PTPRN2: variants seen among roughly 807,000 people sequenced by gnomAD.
The protein encoded by PTPRN2 is protein tyrosine phosphatase receptor type N2, also known as receptor-type tyrosine-protein phosphatase N2.
PTPRN2 carries 74 observed loss-of-function variants against 118.8 expected under a neutral mutation model. The observed-to-expected ratio is 0.62, with a 90% CI of 0.52 to 0.76. The LOEUF is 0.76. Ranked by LOEUF, PTPRN2 falls within the 30% of genes least tolerant of loss-of-function variation. PTPRN2 has a pLI of 0.00. For missense variants in PTPRN2, 1,481 were observed against 1,394.4 expected, an observed-to-expected ratio of 1.06 and a Z score of -0.99; for synonymous variants, 641 against 608.0, an observed-to-expected ratio of 1.05 and a Z score of -0.80.
chr7:158,475,176 C>A (rs982506020), intron 2 of PTPRN2, among the ~76,000 whole-genome samples: 3 of 131,384 alleles, frequency 2.3e-5, no homozygotes, highest in Non-Finnish European at 5.0e-5. Flanking sequence ...CGAAAAGCAA[C>A]AAGCTCCCAG....
chr7:158,151,010 A>G (rs747798483), intron 6 of PTPRN2, among the ~76,000 whole-genome samples: 2 of 147,624 alleles, frequency 1.4e-5, no homozygotes, highest in East Asian at 2.0e-4. Context: ...GCTGCCTCCT[A>G]TGCGGGAAGC....
intron 1 of PTPRN2, among the ~76,000 whole-genome samples, chr7:158,577,789 G>A (rs1173539033): frequency 6.6e-6 from 1 of 152,240 alleles, no homozygotes. Flanking sequence ...CCCATCCAGG[G>A]CCCACAGGTC....
At chr7:158,026,247 T>C (rs975797221) in intron 11 of PTPRN2, among the ~76,000 whole-genome samples, 4 of 152,232 alleles carry the variant, frequency 2.6e-5, no homozygotes, top group African/African-American at 9.6e-5. Context: ...ACTGATATAT[T>C]TTCCCTAACA....
chr7:157,649,102 G>A (rs376590447), intron 14 of PTPRN2, among the ~76,000 whole-genome samples: 2,066 of 128,070 alleles, frequency 0.016, 54 homozygotes, highest in African/African-American at 0.057. Flanking sequence ...CACTGAACTC[G>A]GTGGGTCGGA....
At chr7:157,971,565 T>C (rs944571800) in intron 11 of PTPRN2, among the ~76,000 whole-genome samples, 3 of 152,184 alleles carry the variant, frequency 2.0e-5, no homozygotes, top group African/African-American at 7.2e-5. Context: ...CCTGGAACGT[T>C]CCCCAGCAAT....
chr7:157,568,777 C>T lies in PTPRN2; in HGVS notation c.2902+125G>A. ...CTTGCTGCAAACCACCTTCCTACGG[C>T]CCAGCAGAGGCACAACAAGCAGCGA... On this transcript the variant is annotated intron_variant, in intron 21 of 22. Transcript: ENST00000389418. 3.2e-6 allele frequency: 3 copies of T among 938,510 alleles called. No individual in the cohort carries two copies. In the South Asian group the frequency reaches 4.2e-5, roughly 13 times the overall value. 58.1% of individuals were successfully genotyped at this position (938,510 alleles called of 1,614,324 possible). A position where few individuals can be genotyped will look rare whatever the true frequency, so the allele number is the denominator to read the frequency against.
Position 157,986,261 on chromosome 7 carries a change from G to T in PTPRN2, c.1724-87524C>A, listed in dbSNP as rs1485652046. ...GAGTCACTGTTGGATGTGAGGCAACGTGAAGGCTCCACCACTAGGACCCAG... is the reference window on the plus strand; with the variant it reads ...GAGTCACTGTTGGATGTGAGGCAACTTGAAGGCTCCACCACTAGGACCCAG... On this transcript the variant is annotated intron_variant, in intron 11 of 22. Transcript: ENST00000389418. The surrounding 1 kb of genome is among the most constrained non-coding windows in gnomAD (Gnocchi z 4.5). 6.6e-6 allele frequency among the ~76,000 whole-genome samples: 1 copy of T among 152,212 alleles called. No homozygotes were observed. The highest frequency in any genetic ancestry group is 2.4e-5 in the African/African-American group (1 of 41,466).
chr7:157,561,729 G>A (rs1799201218), intron 21 of PTPRN2, among the ~76,000 whole-genome samples: 1 of 152,246 alleles, frequency 6.6e-6, no homozygotes, highest in Admixed American at 6.5e-5. Flanking sequence ...GCCCGTGAGT[G>A]AAGCTGCCAT....
In PTPRN2 at chr7:157,573,490, G is replaced by T. The variant is rs115990883; in HGVS notation, c.2784-1997C>A. On this transcript the variant is annotated intron_variant, in intron 19 of 22. Coordinates refer to ENST00000389418, the MANE Select transcript of PTPRN2 (RefSeq NM_002847.5). ...GGTCCACACCCACCAGTCACCAGGG[G>T]TTGCTCATTTTTTCCTCATGAGACC... Among the ~76,000 whole-genome samples, 427 of 152,334 alleles carry T rather than the reference G, an allele frequency of 2.8e-3. 3 individuals carry two copies. The highest frequency in any genetic ancestry group is 9.8e-3 in the African/African-American group (409 of 41,562).
rs1202114783 is a variant in PTPRN2 at position 157,595,529 on chromosome 7, A to T, written c.2419-214T>A. On this transcript the variant is annotated intron_variant, in intron 16 of 22. Transcript: ENST00000389418. ...GAAGCCCGGAGGTTAGGAAGCCAGA[A>T]GGTTAGGAAGCCAGGAGGTTAGGAA... Among the ~76,000 whole-genome samples, 109 of 113,048 alleles carry T rather than the reference A, an allele frequency of 9.6e-4. 1 individual carries two copies. Among genetic ancestry groups the T allele is most frequent in the African/African-American group, 4.4e-3 (104 of 23,608 alleles). 74.2% of individuals were successfully genotyped at this position (113,048 alleles called of 152,430 possible). A position where few individuals can be genotyped will look rare whatever the true frequency, so the allele number is the denominator to read the frequency against.
At position 158,197,171 on chromosome 7, in the gene PTPRN2, G is replaced by A. The variant is rs1174086860; in HGVS notation, c.381-4676C>T. 2.0e-5 allele frequency among the ~76,000 whole-genome samples: 3 copies of A among 152,234 alleles called. No homozygotes were observed. The South Asian group carries it at 6.2e-4, about 32-fold the overall frequency. On this transcript the variant is annotated intron_variant, in intron 4 of 22. Coordinates refer to ENST00000389418, the MANE Select transcript of PTPRN2 (RefSeq NM_002847.5). ...CACCCAACAGCCTGAGGGAGGTGCA[G>A]CTCAGACTTTGCAGGTGCTGAGTGA...
chr7:157,546,619 T>A (rs1231476907), intron 22 of PTPRN2, among the ~76,000 whole-genome samples: 2 of 152,284 alleles, frequency 1.3e-5, no homozygotes, highest in African/African-American at 4.8e-5. Context: ...CATTCCTTTT[T>A]ATGGCTGCAT....
intron 2 of PTPRN2, among the ~76,000 whole-genome samples, chr7:158,359,184 A>C (rs1008174230): frequency 2.4e-4 from 36 of 152,316 alleles, no homozygotes; most frequent in African/African-American, 8.2e-4. Context: ...TGATTCACGC[A>C]CAGGTGGGAA....
chr7:157,692,685 G>T (rs945316351), intron 12 of PTPRN2, among the ~76,000 whole-genome samples: 9 of 152,204 alleles, frequency 5.9e-5, no homozygotes, highest in African/African-American at 2.2e-4. Context: ...GCTGCAGGAG[G>T]CCCGGTGCGG....
At chr7:158,140,891 C>G (rs1300499765) in intron 6 of PTPRN2, among the ~76,000 whole-genome samples, 2 of 152,204 alleles carry the variant, frequency 1.3e-5, no homozygotes, top group East Asian at 3.8e-4. Context: ...ACCTGACTTT[C>G]TTTTGTATTC....
intron 21 of PTPRN2, 146 bp downstream of exon 21, chr7:157,568,756 C>T: frequency 1.3e-6 from 1 of 763,786 alleles, no homozygotes; most frequent in Non-Finnish European, 2.2e-6. Flanking sequence ...GATGTGCTTG[C>T]TGCAAACCAC....
At position 157,990,766 on chromosome 7, in the gene PTPRN2, G is replaced by T. The variant is rs898863229; in HGVS notation, c.1723+90532C>A. Among the ~76,000 whole-genome samples, 1 of 152,178 alleles carries T rather than the reference G, an allele frequency of 6.6e-6. No individual in the cohort carries two copies. Among genetic ancestry groups the T allele is most frequent in the Non-Finnish European group, 1.5e-5 (1 of 68,022 alleles). ...TGGACTAGGACACTGGAATGTCACC[G>T]AGCTTCCCTCCGATACAGTGGGAGG... On this transcript the variant is annotated intron_variant, in intron 11 of 22. Coordinates refer to ENST00000389418, the MANE Select transcript of PTPRN2 (RefSeq NM_002847.5). The surrounding 1 kb of genome is among the most constrained non-coding windows in gnomAD (Gnocchi z 4.3).
intron 3 of PTPRN2, among the ~76,000 whole-genome samples, chr7:158,272,906 T>C (rs989395720): frequency 3.3e-5 from 5 of 152,212 alleles, no homozygotes; most frequent in African/African-American, 7.2e-5. Context: ...TTGGCTGTGT[T>C]GCCCCCCAGC....
At chr7:158,155,286 G>T (rs189625321) in intron 6 of PTPRN2, among the ~76,000 whole-genome samples, 379 of 152,288 alleles carry the variant, frequency 2.5e-3, no homozygotes, top group African/African-American at 8.8e-3. Context: ...ATCAGCAACA[G>T]CCTGCAGATA....
Sources: allele counts gnomAD v4.1 joint callset (sites outside exome capture counted in the v4.1 genomes callset), GRCh38; gene constraint gnomAD v4.1.1; non-coding constraint Gnocchi (gnomAD v3.1); transcripts MANE v1.5; gene names NCBI Gene and HGNC (gene_info 2026-07-23, HGNC 2026-07-21).